Variants in SLC1A4 observed in about 807,000 individuals in gnomAD.
The protein encoded by SLC1A4 is neutral amino acid transporter A.
Under a neutral mutation model 37.7 loss-of-function variants are expected in SLC1A4, and 19 were observed. The observed-to-expected ratio is 0.50, with a 90% CI of 0.35 to 0.74. SLC1A4 has a LOEUF of 0.74. Ranked by LOEUF, SLC1A4 falls within the 30% of genes least tolerant of loss-of-function variation. The pLI is 0.01. For synonymous variants in SLC1A4, 299 were observed against 309.8 expected (o/e 0.97, Z 0.37); for missense variants, 570 against 712.9 (o/e 0.80, Z 2.28).
At chr2:64,997,424 C>G (rs1342476117) in intron 1 of SLC1A4, among the ~76,000 whole-genome samples, 1 of 152,198 alleles carries the variant, frequency 6.6e-6, no homozygotes, top group African/African-American at 2.4e-5. Flanking sequence ...CCACCACAAT[C>G]AAGATACTGA....
chr2:65,010,912 G>A (rs1673894554), intron 4 of SLC1A4, 149 bp downstream of exon 4: 1 of 775,560 alleles, frequency 1.3e-6, no homozygotes, highest in Non-Finnish European at 2.0e-6. Flanking sequence ...TTGGTACAGG[G>A]GATGATGGAA....
intron 1 of SLC1A4, among the ~76,000 whole-genome samples, chr2:64,992,709 G>C (rs1673104913): frequency 6.6e-6 from 1 of 152,104 alleles, no homozygotes; most frequent in Non-Finnish European, 1.5e-5. Context: ...CTTCCTCCAA[G>C]TCAACATGCC....
In SLC1A4 at chr2:65,023,009, T is replaced by G. The variant is rs1674487775; in HGVS notation, c.*1863T>G. The G allele has an allele frequency of 6.6e-6, 1 of 152,146 alleles. No individual in the cohort carries two copies. The highest frequency in any genetic ancestry group is 2.4e-5 in the African/African-American group (1 of 41,384). 9.4% of individuals were successfully genotyped at this position (152,146 alleles called of 1,614,324 possible). A position where few individuals can be genotyped will look rare whatever the true frequency, so the allele number is the denominator to read the frequency against. ...GGGACATGAGCCTGAGCAGAAAGGG[T>G]GAAGAAGAGCCATGGGACACAGAGT... On this transcript the variant is annotated 3_prime_UTR_variant, in exon 8 of 8. Transcript: ENST00000234256.
chr2:65,005,009 AC>A (rs1356009700), intron 3 of SLC1A4, among the ~76,000 whole-genome samples: 3 of 152,248 alleles, frequency 2.0e-5, no homozygotes, highest in East Asian at 3.8e-4. Flanking sequence ...GGCAAATAAC[AC>A]TTGTTGAAGT....
intron 4 of SLC1A4, chr2:65,011,504 G>A (rs1673917225): frequency 1.3e-5 from 2 of 151,924 alleles, no homozygotes; most frequent in Admixed American, 6.6e-5. Context: ...CTGACCTCAG[G>A]TGATCTACCT....
chr2:65,004,980 C>G (rs781257256), intron 3 of SLC1A4, among the ~76,000 whole-genome samples: 3 of 152,178 alleles, frequency 2.0e-5, no homozygotes, highest in Non-Finnish European at 4.4e-5. Flanking sequence ...TACTAGTGAC[C>G]TGGATATTAT....
chr2:65,001,593 T>G (rs1472760731), intron 2 of SLC1A4, 103 bp downstream of exon 2: 1 of 1,024,502 alleles, frequency 9.8e-7, no homozygotes, highest in Non-Finnish European at 1.5e-6. Context: ...GATGGTGGTG[T>G]TAACAAAACT....
At chr2:65,007,271 TG>T (rs1279589160) in intron 3 of SLC1A4, among the ~76,000 whole-genome samples, 1 of 67,590 alleles carries the variant, frequency 1.5e-5, no homozygotes, top group Admixed American at 1.4e-4. Flanking sequence ...AGAGTGTGTT[TG>T]TGTGTGTGTG....
At position 64,989,983 on chromosome 2, in the gene SLC1A4, G is replaced by A; in HGVS notation, c.340G>A (p.Gly114Ser). The change falls in exon 1 of 8, where the codon GGC becomes AGC. Residue 114 changes from glycine (G) to serine (S), a missense_variant. Physicochemically the swap from Gly to Ser is moderately conservative, Grantham distance 56 (BLOSUM62 0). Transcript: ENST00000234256. The part of the protein sequence containing the change: ...SLDASCLGRL[G>S]GIAVAYFGLT... Reference sequence around the variant, plus strand: ...CGATGCCAGCTGCCTCGGGCGTCTGGGCGGCATCGCTGTCGCCTACTTTGG... The same window carrying A: ...CGATGCCAGCTGCCTCGGGCGTCTGAGCGGCATCGCTGTCGCCTACTTTGG... 2 of 1,587,108 alleles carry A rather than the reference G, an allele frequency of 1.3e-6. No individual in the cohort carries two copies. The highest frequency in any genetic ancestry group is 1.7e-6 in the Non-Finnish European group (2 of 1,166,604).
In SLC1A4 at chr2:64,989,840, G is replaced by A. The variant is rs993251150; in HGVS notation, c.197G>A (p.Ser66Asn). 1 of 1,538,196 alleles carries A rather than the reference G, an allele frequency of 6.5e-7. No individual in the cohort carries two copies. The highest frequency in any genetic ancestry group is 1.4e-5 in the African/African-American group (1 of 72,994). Reference sequence around the variant, plus strand: ...CTGGGCGCGGCGTTGCGCGGGCTCAGCCTGAGCCGCACGCAGGTCACCTAC... The same window carrying A: ...CTGGGCGCGGCGTTGCGCGGGCTCAACCTGAGCCGCACGCAGGTCACCTAC... ...AGLGAALRGLSLSRTQVTYLA... is the reference protein window; with the variant it reads ...AGLGAALRGLNLSRTQVTYLA... The change falls in exon 1 of 8, where the codon AGC becomes AAC. Residue 66 changes from serine (S) to asparagine (N), a missense_variant. Physicochemically the swap from Ser to Asn is conservative, Grantham distance 46 (BLOSUM62 1). Transcript: ENST00000234256.
intron 1 of SLC1A4, among the ~76,000 whole-genome samples, chr2:64,993,143 C>T (rs539556972): frequency 7.2e-5 from 11 of 152,186 alleles, no homozygotes; most frequent in South Asian, 4.1e-4. Context: ...CAGGCCCTCT[C>T]GAGGTAGCTG....
rs769394476 is a variant in SLC1A4, at chr2:65,018,612, A to G, written c.1297A>G (p.Ile433Val). The G allele has an allele frequency of 6.2e-7, 1 of 1,614,184 alleles. No homozygotes were observed. ...AGCTGGAGGGGTCCTCACCATTGCC[A>G]TTATCCTGGAGGCCATTGGGCTGCC... ...VPAGGVLTIA[I>V]ILEAIGLPTH... Residue 433 changes from isoleucine (I) to valine (V), a missense_variant, in exon 7 of 8, where the codon ATT becomes GTT. Transcript: ENST00000234256. This position sits in a 1 kb window ranked among gnomAD's most constrained non-coding sequence, Gnocchi z 4.3.
At chr2:65,003,641 AT>A (rs1343463144) in intron 2 of SLC1A4, among the ~76,000 whole-genome samples, 1 of 152,256 alleles carries the variant, frequency 6.6e-6, no homozygotes, top group Non-Finnish European at 1.5e-5. Context: ...CTGAGGAAAT[AT>A]CAAATTATCA....
At chr2:65,017,993 C>A in intron 5 of SLC1A4, 78 bp from the exon 6 acceptor site, 2 of 1,285,338 alleles carry the variant, frequency 1.6e-6, no homozygotes, top group Non-Finnish European at 2.2e-6. Context: ...TTGCTCTGTT[C>A]TGGGGTCTGA....
intron 4 of SLC1A4, among the ~76,000 whole-genome samples, chr2:65,013,124 G>A (rs1041010745): frequency 2.6e-5 from 4 of 152,176 alleles, no homozygotes; most frequent in Non-Finnish European, 5.9e-5. Flanking sequence ...GAAAGACAGG[G>A]GGAAGGTGGG....
intron 5 of SLC1A4, among the ~76,000 whole-genome samples, chr2:65,017,197 C>G (rs1353304862): frequency 6.6e-6 from 1 of 152,128 alleles, no homozygotes; most frequent in Non-Finnish European, 1.5e-5. Flanking sequence ...ATGGTTCCTG[C>G]CCAATTCTCC....
At chr2:64,995,564 T>A (rs1673223964) in intron 1 of SLC1A4, among the ~76,000 whole-genome samples, 1 of 152,050 alleles carries the variant, frequency 6.6e-6, no homozygotes, top group Non-Finnish European at 1.5e-5. Context: ...ATCATCAGAG[T>A]GCAAGTCCAC....
chr2:65,022,680 C>T lies in SLC1A4; in HGVS notation c.*1534C>T, dbSNP rs997041854. On this transcript the variant is annotated 3_prime_UTR_variant, in exon 8 of 8. Transcript: ENST00000234256. ...TGTTCTGTGTGTAGTTACTTGACAG[C>T]ATCAAATGCCGCCTCTTCCTAATGT... 5 of 151,868 alleles carry T rather than the reference C, an allele frequency of 3.3e-5. No individual in the cohort carries two copies. The highest frequency in any genetic ancestry group is 9.7e-5 in the African/African-American group (4 of 41,284). The allele number at this position is 151,868 out of a possible 1,614,324, so 9.4% of individuals were successfully genotyped here. A position where few individuals can be genotyped will look rare whatever the true frequency, so the allele number is the denominator to read the frequency against.
intron 1 of SLC1A4, 174 bp from the exon 2 acceptor site, chr2:65,001,274 C>T (rs570899848): frequency 2.5e-5 from 15 of 608,800 alleles, no homozygotes; most frequent in South Asian, 1.4e-4. Context: ...CCATGGCTCA[C>T]GCCTGTAGTC....
Sources: allele counts gnomAD v4.1 joint callset (sites outside exome capture counted in the v4.1 genomes callset), GRCh38; gene constraint gnomAD v4.1.1; non-coding constraint Gnocchi (gnomAD v3.1); transcripts MANE v1.5; gene names NCBI Gene and HGNC (gene_info 2026-07-23, HGNC 2026-07-21).